Variants in RAB30 observed in about 807,000 individuals in gnomAD.
RAB30 encodes RAB30, member RAS oncogene family, also known as ras-related protein Rab-30.
In RAB30, 9 loss-of-function variants were observed where a neutral mutation model predicts 25.1. The observed-to-expected ratio is 0.36, with a 90% CI of 0.22 to 0.63. The LOEUF is 0.63. Among genes scored for constraint, RAB30 ranks in the 20% least tolerant of loss-of-function variants. The probability of loss-of-function intolerance (pLI) is 0.69; values close to 1 mark genes in which losing one functional copy is unlikely to be tolerated. For synonymous variants in RAB30, 77 were observed against 86.4 expected (o/e 0.89, Z 0.60); for missense variants, 140 against 243.5 (o/e 0.58, Z 2.83).
chr11:83,018,064 G>A (rs369981149), intron 1 of RAB30, among the ~76,000 whole-genome samples: 5 of 152,296 alleles, frequency 3.3e-5, no homozygotes, highest in African/African-American at 1.2e-4. Context: ...ACTTTGGGAG[G>A]CCAAGGCAGG....
chr11:83,011,996 A>G (rs1857314852), intron 1 of RAB30, among the ~76,000 whole-genome samples: 2 of 152,172 alleles, frequency 1.3e-5, no homozygotes, highest in African/African-American at 2.4e-5. Flanking sequence ...AAATGAGGGG[A>G]GGCTGAGTCT....
intron 1 of RAB30, 50 bp from the exon 2 acceptor site, chr11:82,997,374 C>G: frequency 7.6e-7 from 1 of 1,311,588 alleles, no homozygotes; most frequent in Admixed American, 1.7e-5. Flanking sequence ...CAGACTTGCC[C>G]ACAGAGCTCA....
At chr11:83,021,318 C>A (rs1264834674) in intron 1 of RAB30, among the ~76,000 whole-genome samples, 2 of 152,192 alleles carry the variant, frequency 1.3e-5, no homozygotes, top group African/African-American at 4.8e-5. Context: ...AGAGGAGAGA[C>A]GAGCTGTGGC....
chr11:82,984,785 A>C (rs149316601), intron 4 of RAB30, among the ~76,000 whole-genome samples: 241 of 152,312 alleles, frequency 1.6e-3, no homozygotes, highest in African/African-American at 5.6e-3. Context: ...GGCTAATTCC[A>C]GGTCTGGGGC....
At position 83,071,757 on chromosome 11, in the gene RAB30, G is replaced by C. The variant is rs1369664432; in HGVS notation, c.-75C>G. 1 of 259,694 alleles carries C rather than the reference G, an allele frequency of 3.9e-6. No individual in the cohort carries two copies. Among genetic ancestry groups the C allele is most frequent in the Non-Finnish European group, 7.2e-6 (1 of 138,330 alleles). The allele number at this position is 259,694 out of a possible 1,614,324, so 16.1% of individuals were successfully genotyped here. On this transcript the variant is annotated 5_prime_UTR_variant, in exon 1 of 5. Coordinates refer to ENST00000527633, the MANE Select transcript of RAB30 (RefSeq NM_001286060.2). ...ATGGATGTGCGAATGAGTCACGCACGCAAGGGAAGGTCTGCGATGTCCTGA... is the reference window on the plus strand; with the variant it reads ...ATGGATGTGCGAATGAGTCACGCACCCAAGGGAAGGTCTGCGATGTCCTGA...
intron 2 of RAB30, among the ~76,000 whole-genome samples, chr11:82,996,872 G>A (rs1856969111): frequency 6.6e-6 from 1 of 152,180 alleles, no homozygotes; most frequent in Admixed American, 6.5e-5. Flanking sequence ...TTGACGTCCA[G>A]ATTCATTTGT....
At chr11:83,024,267 A>G (rs1454159211) in intron 1 of RAB30, among the ~76,000 whole-genome samples, 1 of 152,164 alleles carries the variant, frequency 6.6e-6, no homozygotes, top group African/African-American at 2.4e-5. Flanking sequence ...TCGCTTTCCA[A>G]TTCTGCCCTT....
intron 1 of RAB30, chr11:83,035,619 G>C (rs1857970580): frequency 6.6e-6 from 1 of 152,200 alleles, no homozygotes. Flanking sequence ...TCCTTTTTAA[G>C]CAACTGTGAT....
chr11:82,994,020 T>A lies in RAB30; in HGVS notation c.177+19A>T, dbSNP rs372247286. On this transcript the variant is annotated intron_variant, in intron 3 of 4. Transcript: ENST00000527633. Reference sequence around the variant, plus strand: ...CTCACATAGCACCTGACAACCTTAGTGAATATTTAGCACCTTACCTTTACT... The same window carrying A: ...CTCACATAGCACCTGACAACCTTAGAGAATATTTAGCACCTTACCTTTACT... The A allele has an allele frequency of 6.4e-7, 1 of 1,560,726 alleles. No homozygotes were observed. The highest frequency in any genetic ancestry group is 1.4e-5 in the African/African-American group (1 of 73,628).
chr11:83,002,131 C>T (rs564729369), intron 1 of RAB30, among the ~76,000 whole-genome samples: 1 of 152,166 alleles, frequency 6.6e-6, no homozygotes, highest in Non-Finnish European at 1.5e-5. Context: ...GCTGCTACCC[C>T]CTGCCTTGTA....
chr11:83,059,308 A>G (rs1858517420), intron 1 of RAB30, among the ~76,000 whole-genome samples: 1 of 152,234 alleles, frequency 6.6e-6, no homozygotes. Flanking sequence ...TCACAAATAT[A>G]TACTGTTCTG....
chr11:83,066,600 G>C (rs1171703146), intron 1 of RAB30, among the ~76,000 whole-genome samples: 1 of 152,184 alleles, frequency 6.6e-6, no homozygotes, highest in Non-Finnish European at 1.5e-5. Context: ...GCCCAGAGTA[G>C]AGTGCCATGG....
chr11:83,034,805 T>C (rs779328757), intron 1 of RAB30: 1 of 151,934 alleles, frequency 6.6e-6, no homozygotes, highest in South Asian at 2.1e-4. Flanking sequence ...GATAAGAACA[T>C]TGACTCAGAG....
At chr11:83,062,822 G>A (rs1465056897) in intron 1 of RAB30, among the ~76,000 whole-genome samples, 2 of 151,478 alleles carry the variant, frequency 1.3e-5, no homozygotes, top group Non-Finnish European at 2.9e-5. Context: ...CCAACAAGGC[G>A]GAACCCCATC....
chr11:83,030,052 G>T (rs77479778), intron 1 of RAB30, among the ~76,000 whole-genome samples: 2,470 of 152,226 alleles, frequency 0.016, 71 homozygotes, highest in African/African-American at 0.057. Context: ...GAGTGGGCAA[G>T]GGGAGTGAGG....
intron 1 of RAB30, among the ~76,000 whole-genome samples, chr11:83,003,286 A>C (rs894821947): frequency 6.6e-6 from 1 of 152,234 alleles, no homozygotes; most frequent in Non-Finnish European, 1.5e-5. Flanking sequence ...CATTCTGACA[A>C]AAGTCATATA....
At position 82,975,328 on chromosome 11, in the gene RAB30, A is replaced by G. The variant is rs1440587571; in HGVS notation, c.*6837T>C. The G allele has an allele frequency of 6.6e-6, 1 of 152,170 alleles. No homozygotes were observed. The highest frequency in any genetic ancestry group is 1.5e-5 in the Non-Finnish European group (1 of 68,004). 9.4% of individuals were successfully genotyped at this position (152,170 alleles called of 1,614,324 possible). On this transcript the variant is annotated 3_prime_UTR_variant, in exon 5 of 5. Coordinates refer to ENST00000527633, the MANE Select transcript of RAB30 (RefSeq NM_001286060.2). ...TTCAAAAGACTTGTCAAGTTTTACT[A>G]TTGTTATTTAATCCAGGCATAAATG...
intron 1 of RAB30, among the ~76,000 whole-genome samples, chr11:83,049,608 G>A (rs1858313822): frequency 6.6e-6 from 1 of 151,636 alleles, no homozygotes; most frequent in Non-Finnish European, 1.5e-5. Context: ...AGCCTCCCAA[G>A]TAGCTGGGAC....
intron 1 of RAB30, among the ~76,000 whole-genome samples, chr11:83,048,875 G>T (rs2121517531): frequency 6.6e-6 from 1 of 152,282 alleles, no homozygotes; most frequent in Admixed American, 6.5e-5. Context: ...CCTGCTGCTG[G>T]GCCCCAGCAT....
Sources: gnomAD v4.1 joint callset for allele counts (sites outside exome capture counted in the v4.1 genomes callset) on GRCh38, gnomAD v4.1.1 for gene constraint, MANE v1.5 for transcripts, NCBI Gene and HGNC (gene_info 2026-07-23, HGNC 2026-07-21) for gene names.